Variants in CHERP observed in about 807,000 individuals in gnomAD.
CHERP encodes ERPROT 213-21.
CHERP carries 8 observed loss-of-function variants against 113.8 expected under a neutral mutation model. The ratio of observed to expected loss-of-function variants is 0.07; its 90% CI spans 0.04 to 0.13. CHERP has a LOEUF of 0.13. Ranked by LOEUF, CHERP falls within the 10% of genes least tolerant of loss-of-function variation. CHERP has a pLI of 1.00. For missense variants in CHERP, 884 were observed against 1,298.2 expected (o/e 0.68, Z 4.90); for synonymous variants, 559 against 524.5 (o/e 1.07, Z -0.90).
chr19:16,529,988 G>A, intron 7 of CHERP, 88 bp from the exon 8 acceptor site: 1 of 1,493,926 alleles, frequency 6.7e-7, no homozygotes, highest in Non-Finnish European at 9.0e-7. Flanking sequence ...GAAAGCAGCA[G>A]AGCCTGGGGG....
intron 10 of CHERP, among the ~76,000 whole-genome samples, chr19:16,524,813 C>CA (rs778400490): frequency 5.5e-4 from 83 of 151,330 alleles, no homozygotes; most frequent in Non-Finnish European, 9.1e-4. Context: ...GGGTGGAGTA[C>CA]AGTGGTGCGA....
At chr19:16,539,369 G>A (rs897750527) in intron 2 of CHERP, among the ~76,000 whole-genome samples, 6 of 151,776 alleles carry the variant, frequency 4.0e-5, no homozygotes, top group African/African-American at 2.4e-5. Context: ...GGATGGTCTC[G>A]ATCTCCTGAC....
At chr19:16,529,576 T>G in intron 8 of CHERP, 72 bp downstream of exon 8, 1 of 1,495,396 alleles carries the variant, frequency 6.7e-7, no homozygotes, top group Non-Finnish European at 8.9e-7. Context: ...CAGACTGCTT[T>G]CTGACTACAC....
At chr19:16,539,392 C>T (rs983816704) in intron 2 of CHERP, among the ~76,000 whole-genome samples, 3 of 152,138 alleles carry the variant, frequency 2.0e-5, no homozygotes, top group African/African-American at 7.2e-5. Context: ...CGTGATCCGC[C>T]CGCCTCGGCC....
rs761498031 is a variant in CHERP, at chr19:16,521,607, G to A, written c.2028C>T (p.Leu676=). ...TCTCGCTGGGCGGCATGGGGGGTGGGAGGCGGATGTCTTTAGGGTCCAAAG... is the reference window on the plus strand; with the variant it reads ...TCTCGCTGGGCGGCATGGGGGGTGGAAGGCGGATGTCTTTAGGGTCCAAAG... ...YKPLDPKDIR[L]PPPMPPSERL... The change falls in exon 12 of 17, where the codon CTC becomes CTT. Residue 676 remains leucine (L), a synonymous_variant. Transcript: ENST00000546361. The A allele has an allele frequency of 1.2e-6, 2 of 1,610,056 alleles. No individual in the cohort carries two copies. Among genetic ancestry groups the A allele is most frequent in the Non-Finnish European group, 1.7e-6 (2 of 1,178,356 alleles).
At position 16,532,951 on chromosome 19, in the gene CHERP, G is replaced by C; in HGVS notation, c.522+60C>G. The C allele has an allele frequency of 6.5e-7, 1 of 1,548,960 alleles. No homozygotes were observed. Among genetic ancestry groups the C allele is most frequent in the Non-Finnish European group, 8.7e-7 (1 of 1,144,578 alleles). Reference sequence around the variant, plus strand: ...CCCTTAGCCCAGATTGGCTACGACAGGCCCTGCCTCAGGGAGGGACCAAGG... The same window carrying C: ...CCCTTAGCCCAGATTGGCTACGACACGCCCTGCCTCAGGGAGGGACCAAGG... On this transcript the variant is annotated intron_variant, in intron 4 of 16. Transcript: ENST00000546361. The surrounding 1 kb of genome is among the most constrained non-coding windows in gnomAD (Gnocchi z 4.4).
chr19:16,533,120 G>T lies in CHERP; in HGVS notation c.413C>A (p.Ala138Glu). The change falls in exon 4 of 17, where the codon GCG becomes GAG. Residue 138 changes from alanine to glutamate, a missense_variant. Transcript: ENST00000546361. ...QEQVTAAVAH[A>E]VEQQMQKLLE... is the part of the protein sequence containing the mutation. ...AAGCTTCTGCATCTGCTGCTCCACCGCGTGGGCCACGGCCGCTGTCACTTG... is the reference window on the plus strand; with the variant it reads ...AAGCTTCTGCATCTGCTGCTCCACCTCGTGGGCCACGGCCGCTGTCACTTG... 1 of 1,587,162 alleles carries T rather than the reference G, an allele frequency of 6.3e-7. No homozygotes were observed.
chr19:16,528,175 C>G lies in CHERP; in HGVS notation c.1210G>C (p.Gly404Arg). Residue 404 changes from glycine to arginine, a missense_variant, in exon 9 of 17, where the codon GGC (glycine) becomes CGC (arginine). Gly to Arg is a moderately radical substitution (Grantham distance 125). Transcript: ENST00000546361. ...PGGVQDPAAA[G>R]PRGPGPHDQI... ...TCGTGTGGCCCGGGGCCCCGGGGGCCGGCAGCTGCAGGATCCTGGACCCCT... is the reference window on the plus strand; with the variant it reads ...TCGTGTGGCCCGGGGCCCCGGGGGCGGGCAGCTGCAGGATCCTGGACCCCT... 6.2e-7 allele frequency: 1 copy of G among 1,613,100 alleles called. No individual in the cohort carries two copies. The highest frequency in any genetic ancestry group is 8.5e-7 in the Non-Finnish European group (1 of 1,179,692).
chr19:16,531,683 G>A (rs1257299380), intron 5 of CHERP, among the ~76,000 whole-genome samples: 5 of 152,234 alleles, frequency 3.3e-5, no homozygotes, highest in Non-Finnish European at 7.3e-5. Context: ...CAAGGCACCC[G>A]ACTCAGAGGC....
rs2085691980 is a variant in CHERP, at chr19:16,530,375, G to A, written c.876+210C>T. On this transcript the variant is annotated intron_variant, in intron 7 of 16. Transcript: ENST00000546361. This position sits in a 1 kb window ranked among gnomAD's most constrained non-coding sequence, Gnocchi z 4.1. ...GACTCCGAAAGGCCGCCTGGTTCTA[G>A]TGTTCCAGGAAAGTCAGGGAGACAC... Among the ~76,000 whole-genome samples, 1 of 152,208 alleles carries A rather than the reference G, an allele frequency of 6.6e-6. No individual in the cohort carries two copies. The highest frequency in any genetic ancestry group is 1.5e-5 in the Non-Finnish European group (1 of 68,044).
Position 16,532,671 on chromosome 19 carries a change from T to C in CHERP, c.601A>G (p.Ile201Val), listed in dbSNP as rs2085714579. 1.2e-6 allele frequency: 2 copies of C among 1,613,588 alleles called. No homozygotes were observed. Among genetic ancestry groups the C allele is most frequent in the Non-Finnish European group, 1.7e-6 (2 of 1,179,930 alleles). ...TCGAAGTGTGCCCCATCAGCCGTGATGCGGTTCCGGAGGTGGCCGGCCATC... is the reference window on the plus strand; with the variant it reads ...TCGAAGTGTGCCCCATCAGCCGTGACGCGGTTCCGGAGGTGGCCGGCCATC... ...ELMAGHLRNR[I>V]TADGAHFELR... Residue 201 changes from isoleucine (I) to valine (V), a missense_variant, in exon 5 of 17, where the codon ATC becomes GTC. Ile to Val is a conservative substitution (Grantham distance 29). Coordinates refer to ENST00000546361, the MANE Select transcript of CHERP (RefSeq NM_006387.6). This position sits in a 1 kb window ranked among gnomAD's most constrained non-coding sequence, Gnocchi z 4.4.
At chr19:16,524,760 T>C (rs556995967) in intron 10 of CHERP, among the ~76,000 whole-genome samples, 2 of 151,588 alleles carry the variant, frequency 1.3e-5, no homozygotes, top group African/African-American at 2.4e-5. Context: ...AAAAGAAAAG[T>C]AGTTTTTTGT....
Position 16,519,679 on chromosome 19 carries a change from G to T in CHERP, c.2499C>A (p.Pro833=). 6.2e-7 allele frequency: 1 copy of T among 1,613,984 alleles called. No homozygotes were observed. Among genetic ancestry groups the T allele is most frequent in the Non-Finnish European group, 8.5e-7 (1 of 1,179,916 alleles). Residue 833 remains proline (P), a synonymous_variant, in exon 16 of 17, where the codon CCC becomes CCA. Coordinates refer to ENST00000546361, the MANE Select transcript of CHERP (RefSeq NM_006387.6). This position sits in a 1 kb window ranked among gnomAD's most constrained non-coding sequence, Gnocchi z 6.0. ...CTTCTCCGAGCCTTGAGTCAGGGAT[G>T]GGAGGCGCCGAATTAGAACCCAGAC... ...SAGLGSNSAP[P]IPDSRLGEEN...
At chr19:16,529,511 C>A in intron 8 of CHERP, 137 bp downstream of exon 8, 1 of 1,099,322 alleles carries the variant, frequency 9.1e-7, no homozygotes, top group Non-Finnish European at 1.3e-6. Flanking sequence ...TGGATGAAAA[C>A]CTGGGCCTAG....
rs1182556487 is a variant in CHERP at position 16,525,787 on chromosome 19, C to A, written c.1306-110G>T. On this transcript the variant is annotated intron_variant, in intron 9 of 16. Coordinates refer to ENST00000546361, the MANE Select transcript of CHERP (RefSeq NM_006387.6). The surrounding 1 kb of genome is among the most constrained non-coding windows in gnomAD (Gnocchi z 6.5). ...GCTGGCTCAGACCATGGAGGCGCTG[C>A]CCTGGCCACGTTGAGGCGCCTCCTA... 7.4e-6 allele frequency: 8 copies of A among 1,081,142 alleles called. No individual in the cohort carries two copies. Among genetic ancestry groups the A allele is most frequent in the Middle Eastern group, 2.8e-4 (1 of 3,514 alleles). The allele number at this position is 1,081,142 out of a possible 1,614,324, so 67.0% of individuals were successfully genotyped here.
intron 2 of CHERP, among the ~76,000 whole-genome samples, chr19:16,536,744 T>C (rs2085743803): frequency 1.3e-5 from 2 of 152,220 alleles, no homozygotes; most frequent in South Asian, 4.1e-4. Flanking sequence ...GGGCTGGGCA[T>C]GATGGCTCAC....
At position 16,523,152 on chromosome 19, in the gene CHERP, C is replaced by T; in HGVS notation, c.1880G>A (p.Arg627Gln). 3.2e-6 allele frequency: 5 copies of T among 1,558,504 alleles called. No individual in the cohort carries two copies. Among genetic ancestry groups the T allele is most frequent in the Non-Finnish European group, 4.3e-6 (5 of 1,155,094 alleles). Reference sequence around the variant, plus strand: ...GTTGATGTGGGGTGGGCCCTGTCGCCGCATGTGTGGGGGCTGCCCGTTGAA... The same window carrying T: ...GTTGATGTGGGGTGGGCCCTGTCGCTGCATGTGTGGGGGCTGCCCGTTGAA... ...HGFNGQPPHMRRQGPPHINHD... is the reference protein window; with the variant it reads ...HGFNGQPPHMQRQGPPHINHD... The change falls in exon 11 of 17, where the codon CGG becomes CAG. Residue 627 changes from arginine to glutamine, a missense_variant. Coordinates refer to ENST00000546361, the MANE Select transcript of CHERP (RefSeq NM_006387.6). This position sits in a 1 kb window ranked among gnomAD's most constrained non-coding sequence, Gnocchi z 4.0.
Position 16,525,300 on chromosome 19 carries a change from G to T in CHERP, c.1683C>A (p.Pro561=). The T allele has an allele frequency of 8.3e-6, 12 of 1,452,330 alleles. No individual in the cohort carries two copies. The highest frequency in any genetic ancestry group is 1.5e-5 in the African/African-American group (1 of 68,742). 90.0% of individuals were successfully genotyped at this position (1,452,330 alleles called of 1,614,324 possible). A position where few individuals can be genotyped will look rare whatever the true frequency, so the allele number is the denominator to read the frequency against. ...FMQDDFPPRH[P]FERPPYPHRF... The stretch of plus-strand genomic sequence containing the variant: ...GGTGGGGATAGGGCGGCCGCTCGAA[G>T]GGGTGCCGTGGCGGGAAGTCGTCCT... Residue 561 remains proline, a synonymous_variant, in exon 10 of 17, where the codon CCC becomes CCA. Transcript: ENST00000546361. The surrounding 1 kb of genome is among the most constrained non-coding windows in gnomAD (Gnocchi z 6.5).
rs2085593061 is a variant in CHERP at position 16,519,939 on chromosome 19, A to C, written c.2462+210T>G. 1.5e-6 allele frequency: 1 copy of C among 663,348 alleles called. No individual in the cohort carries two copies. The highest frequency in any genetic ancestry group is 1.8e-5 in the African/African-American group (1 of 55,092). 41.1% of individuals were successfully genotyped at this position (663,348 alleles called of 1,614,324 possible). The stretch of plus-strand genomic sequence containing the variant: ...TCAGCATTGAGAGCAGGACACCTCC[A>C]ACCCAGATGGTGGTTAGAAAGCAGA... On this transcript the variant is annotated intron_variant, in intron 15 of 16. Transcript: ENST00000546361. This position sits in a 1 kb window ranked among gnomAD's most constrained non-coding sequence, Gnocchi z 6.0.
Sources: gnomAD v4.1 joint callset for allele counts (sites outside exome capture counted in the v4.1 genomes callset) on GRCh38, gnomAD v4.1.1 for gene constraint, Gnocchi (gnomAD v3.1) non-coding constraint, MANE v1.5 for transcripts, NCBI Gene and HGNC (gene_info 2026-07-23, HGNC 2026-07-21) for gene names.